The following ARHGEF9 variants were observed in gnomAD, a reference collection of about 807,000 sequenced individuals.
ARHGEF9 encodes the protein Cdc42 guanine nucleotide exchange factor 9, also known as rho guanine nucleotide exchange factor 9.
Under a neutral mutation model 41.3 loss-of-function variants are expected in ARHGEF9, and 2 were observed. The observed-to-expected ratio is 0.05, with a 90% CI of 0.02 to 0.15. The LOEUF (loss-of-function observed/expected upper bound fraction) is 0.15, where lower values mean the gene tolerates loss of function less well. Among genes scored for constraint, ARHGEF9 ranks in the 10% least tolerant of loss-of-function variants. ARHGEF9 has a pLI of 1.00. For missense variants in ARHGEF9, 225 were observed against 424.7 expected (o/e 0.53, Z 4.13); for synonymous variants, 160 against 154.4 (o/e 1.04, Z -0.27).
chrX:63,655,472 T>G (rs1556334540), intron 8 of ARHGEF9, 22 bp downstream of exon 8: 1 of 1,211,009 alleles, frequency 8.3e-7, no homozygotes, highest in Non-Finnish European at 1.1e-6. Context: ...CATGTTCTTC[T>G]TTCTACTCTC....
At chrX:63,758,536 G>A (rs1409177558) in intron 1 of ARHGEF9, among the ~76,000 whole-genome samples, 6 of 112,247 alleles carry the variant, frequency 5.3e-5, no homozygotes, top group Admixed American at 1.9e-4. Context: ...GATGTCCTTC[G>A]GCCTCTGTAT....
intron 2 of ARHGEF9, among the ~76,000 whole-genome samples, chrX:63,717,158 A>G (rs1387409705): frequency 8.9e-6 from 1 of 112,075 alleles, no homozygotes; most frequent in Non-Finnish European, 1.9e-5. Flanking sequence ...ATATTTTAAA[A>G]AGAAGTTTTT....
intron 8 of ARHGEF9, chrX:63,644,348 A>G (rs1301195063): frequency 3.1e-5 from 5 of 163,687 alleles, no homozygotes; most frequent in African/African-American, 1.5e-4. Context: ...ATAAAGCATG[A>G]CATAGGGAAA....
At chrX:63,750,048 C>T (rs1481596307) in intron 1 of ARHGEF9, among the ~76,000 whole-genome samples, 1 of 112,063 alleles carries the variant, frequency 8.9e-6, no homozygotes, top group Non-Finnish European at 1.9e-5. Context: ...TCCCCTCCTC[C>T]ATCCCATTTC....
At chrX:63,770,168 A>G (rs782092414) in intron 1 of ARHGEF9, among the ~76,000 whole-genome samples, 1 of 112,916 alleles carries the variant, frequency 8.9e-6, no homozygotes, top group East Asian at 2.8e-4. Context: ...CACCTCTTCC[A>G]TCAATGTAAC....
chrX:63,752,608 C>A (rs1330259157), intron 1 of ARHGEF9, among the ~76,000 whole-genome samples: 1 of 111,396 alleles, frequency 9.0e-6, no homozygotes, highest in Non-Finnish European at 1.9e-5. Flanking sequence ...AGAACCAATG[C>A]CAGCAAACCT....
intron 2 of ARHGEF9, chrX:63,719,831 G>A: frequency 1.4e-5 from 4 of 295,681 alleles, no homozygotes; most frequent in South Asian, 2.0e-4. Flanking sequence ...ACCTCTGGCT[G>A]GAGAGGCTTT....
At chrX:63,674,249 C>G (rs2050124572) in intron 5 of ARHGEF9, 82 bp from the exon 6 acceptor site, 7 of 1,009,724 alleles carry the variant, frequency 6.9e-6, no homozygotes, top group Admixed American at 2.4e-5. Context: ...AACATCCACT[C>G]TCCTCTACCT....
chrX:63,694,647 G>A (rs1444904368), intron 4 of ARHGEF9, among the ~76,000 whole-genome samples: 1 of 112,133 alleles, frequency 8.9e-6, no homozygotes, highest in African/African-American at 3.2e-5. Context: ...TCTAGAAAAA[G>A]CAAAATTTCA....
intron 1 of ARHGEF9, among the ~76,000 whole-genome samples, chrX:63,740,439 A>G (rs782505078): frequency 8.9e-6 from 1 of 112,135 alleles, no homozygotes; most frequent in East Asian, 2.8e-4. Context: ...CATGGAGAAA[A>G]GTGTATCTTC....
At chrX:63,680,465 T>C (rs1197589697) in intron 4 of ARHGEF9, among the ~76,000 whole-genome samples, 2 of 112,167 alleles carry the variant, frequency 1.8e-5, no homozygotes, top group Admixed American at 9.4e-5. Context: ...ACTGCCCTAA[T>C]GACCAGCTTC....
At chrX:63,697,881 C>T (rs1186498783) in intron 3 of ARHGEF9, among the ~76,000 whole-genome samples, 1 of 111,301 alleles carries the variant, frequency 9.0e-6, no homozygotes, top group Non-Finnish European at 1.9e-5. Flanking sequence ...CATCAAAGTA[C>T]ACATACAATA....
intron 2 of ARHGEF9, chrX:63,709,098 T>A (rs1254793737): frequency 8.9e-5 from 10 of 112,293 alleles, no homozygotes; most frequent in Non-Finnish European, 1.9e-4. Flanking sequence ...AGAGCCATTA[T>A]CAACCCTGCC....
chrX:63,744,900 T>A (rs1259366516), intron 1 of ARHGEF9, among the ~76,000 whole-genome samples: 4 of 111,879 alleles, frequency 3.6e-5, no homozygotes, highest in Non-Finnish European at 7.5e-5. Context: ...ATTTTGCTTT[T>A]GTTCTAAGCC....
intron 8 of ARHGEF9, among the ~76,000 whole-genome samples, chrX:63,654,159 CA>C (rs782760710): frequency 1.4e-3 from 128 of 90,114 alleles, no homozygotes; most frequent in African/African-American, 4.3e-3. Flanking sequence ...ATTATCAAAC[CA>C]AAAAAAAAAA....
chrX:63,724,440 G>A (rs1206601959), intron 2 of ARHGEF9, 92 bp downstream of exon 2: 28 of 1,016,289 alleles, frequency 2.8e-5, no homozygotes, highest in Non-Finnish European at 3.6e-5. Context: ...GCCACCAGGA[G>A]AGAAATAAAC....
intron 1 of ARHGEF9, among the ~76,000 whole-genome samples, chrX:63,776,489 A>G (rs2056295637): frequency 8.9e-6 from 1 of 112,040 alleles, no homozygotes; most frequent in African/African-American, 3.2e-5. Context: ...ACCAAACACT[A>G]TTCTTCATTT....
intron 1 of ARHGEF9, among the ~76,000 whole-genome samples, chrX:63,750,403 C>T (rs2055549961): frequency 9.0e-6 from 1 of 111,399 alleles, no homozygotes; most frequent in Non-Finnish European, 1.9e-5. Context: ...AGGGTCCAAG[C>T]CCTGTTTACC....
intron 7 of ARHGEF9, among the ~76,000 whole-genome samples, chrX:63,662,296 G>A (rs1349324580): frequency 2.7e-5 from 3 of 111,926 alleles, no homozygotes; most frequent in African/African-American, 9.7e-5. Context: ...CAAACTTTAT[G>A]TTTTATCTAT....
Sources: gnomAD v4.1 joint callset for allele counts (sites outside exome capture counted in the v4.1 genomes callset) on GRCh38, gnomAD v4.1.1 for gene constraint, MANE v1.5 for transcripts, NCBI Gene and HGNC (gene_info 2026-07-23, HGNC 2026-07-21) for gene names.